Variants in DDHD1 observed in about 807,000 individuals in gnomAD.
DDHD1 encodes the protein phospholipase DDHD1.
In DDHD1, 49 loss-of-function variants were observed where a neutral mutation model predicts 96.4. That is an observed-to-expected ratio of 0.51 (90% CI 0.40 to 0.64). DDHD1 has a LOEUF of 0.64. Ranked by LOEUF, DDHD1 falls within the 30% of genes least tolerant of loss-of-function variation. The probability of loss-of-function intolerance (pLI) is 0.00; values close to 1 mark genes in which losing one functional copy is unlikely to be tolerated. For missense variants in DDHD1, 1,106 were observed against 1,161.2 expected, an observed-to-expected ratio of 0.95 and a Z score of 0.69; for synonymous variants, 442 against 446.5, an observed-to-expected ratio of 0.99 and a Z score of 0.13.
intron 1 of DDHD1, among the ~76,000 whole-genome samples, chr14:53,116,341 T>C (rs1467709002): frequency 1.3e-5 from 2 of 152,068 alleles, no homozygotes; most frequent in African/African-American, 4.8e-5. Flanking sequence ...ACAAGGATAT[T>C]CAGGACTTGA....
chr14:53,052,654 A>G (rs1031027826), intron 11 of DDHD1: 4 of 152,044 alleles, frequency 2.6e-5, no homozygotes, highest in Non-Finnish European at 1.5e-5. Flanking sequence ...TGGGAATAGG[A>G]TTTAAAAGGC....
rs950460996 is a variant in DDHD1, at chr14:53,146,321, C to T, written c.838+5940G>A. Among the ~76,000 whole-genome samples, 13 of 151,432 alleles carry T rather than the reference C, an allele frequency of 8.6e-5. No homozygotes were observed. In the East Asian group the frequency reaches 1.6e-3, roughly 18 times the overall value. On this transcript the variant is annotated intron_variant, in intron 1 of 12. Coordinates refer to ENST00000673822, the MANE Select transcript of DDHD1 (RefSeq NM_001160148.2). Reference sequence around the variant, plus strand: ...GAGTTCAAGATCAGCCTGGCCAAAACGGTGAAACTCCATATCTACTAAGAA... The same window carrying T: ...GAGTTCAAGATCAGCCTGGCCAAAATGGTGAAACTCCATATCTACTAAGAA...
intron 1 of DDHD1, among the ~76,000 whole-genome samples, chr14:53,117,232 C>T (rs1013040176): frequency 6.6e-6 from 1 of 152,182 alleles, no homozygotes; most frequent in African/African-American, 2.4e-5. Flanking sequence ...GAGATCGACA[C>T]AGAAGTGAAT....
At chr14:53,144,966 A>G (rs375557134) in intron 1 of DDHD1, among the ~76,000 whole-genome samples, 1 of 152,184 alleles carries the variant, frequency 6.6e-6, no homozygotes, top group East Asian at 1.9e-4. Context: ...GCTTACCAAC[A>G]TGGTGAAACC....
At chr14:53,128,394 T>G (rs1373981591) in intron 1 of DDHD1, among the ~76,000 whole-genome samples, 1 of 152,190 alleles carries the variant, frequency 6.6e-6, no homozygotes, top group African/African-American at 2.4e-5. Flanking sequence ...ACCAGCAGAT[T>G]TGGTGTCTGG....
intron 1 of DDHD1, among the ~76,000 whole-genome samples, chr14:53,113,497 C>T (rs1888291014): frequency 6.6e-6 from 1 of 151,774 alleles, no homozygotes; most frequent in Non-Finnish European, 1.5e-5. Flanking sequence ...CTGCAGGTCC[C>T]AGTGAGACCA....
chr14:53,073,683 AT>A, intron 5 of DDHD1, 57 bp downstream of exon 5: 1 of 1,450,050 alleles, frequency 6.9e-7, no homozygotes, highest in South Asian at 1.2e-5. Context: ...AACTTTCTGC[AT>A]TTATTTTGGT....
At chr14:53,145,883 G>A in intron 1 of DDHD1, among the ~76,000 whole-genome samples, 1 of 152,166 alleles carries the variant, frequency 6.6e-6, no homozygotes, top group Admixed American at 6.5e-5. Flanking sequence ...ATATTATCTA[G>A]AGATAGCTTA....
chr14:53,084,551 T>A (rs866834202), intron 4 of DDHD1, among the ~76,000 whole-genome samples: 33 of 152,100 alleles, frequency 2.2e-4, no homozygotes, highest in African/African-American at 7.0e-4. Context: ...AGGATCAGAG[T>A]GAAGAGATTT....
At chr14:53,137,500 G>A (rs145987105) in intron 1 of DDHD1, among the ~76,000 whole-genome samples, 218 of 152,242 alleles carry the variant, frequency 1.4e-3, no homozygotes, top group African/African-American at 5.0e-3. Flanking sequence ...GCTGAGGCAG[G>A]AGAATCACTT....
chr14:53,068,243 C>CTTTTTTT (rs55662153), intron 6 of DDHD1, among the ~76,000 whole-genome samples: 2,784 of 104,246 alleles, frequency 0.027, 296 homozygotes, highest in African/African-American at 0.088. Flanking sequence ...CTTTATGATA[C>CTTTTTTT]TTTTTTTTTT....
chr14:53,152,296 A>C lies in DDHD1; in HGVS notation c.803T>G (p.Val268Gly), dbSNP rs781138250. 3 of 1,613,204 alleles carry C rather than the reference A, an allele frequency of 1.9e-6. No individual in the cohort carries two copies. In the East Asian group the frequency reaches 6.7e-5, roughly 36 times the overall value. The change falls in exon 1 of 13, where the codon GTG (valine) becomes GGG (glycine). Residue 268 changes from valine to glycine, a missense_variant. This residue lies in a region of DDHD1 where 456 missense variants were observed against 402.4 expected (regional missense o/e 1.13). Transcript: ENST00000673822. The stretch of plus-strand genomic sequence containing the variant: ...CACCGGGTAGCACTCTCCTTGGGTC[A>C]CATCCACCTCGTAGAGGCCGCCCCG... ...CVRGGLYEVDVTQGECYPVYW... is the reference protein window; with the variant it reads ...CVRGGLYEVDGTQGECYPVYW...
chr14:53,103,011 A>T, intron 2 of DDHD1: 1 of 1,560,390 alleles, frequency 6.4e-7, no homozygotes, highest in Non-Finnish European at 8.7e-7. Context: ...ATTCTAATCT[A>T]CCTGTACAGT....
intron 2 of DDHD1, chr14:53,103,049 T>C: frequency 1.3e-6 from 2 of 1,568,602 alleles, no homozygotes; most frequent in Non-Finnish European, 1.7e-6. Context: ...TTGATCCCAC[T>C]GCCTGCAGTA....
At chr14:53,135,848 C>A (rs1890198764) in intron 1 of DDHD1, among the ~76,000 whole-genome samples, 1 of 152,152 alleles carries the variant, frequency 6.6e-6, no homozygotes, top group Non-Finnish European at 1.5e-5. Flanking sequence ...AGATATTGTA[C>A]AAAAGACAGA....
At position 53,091,871 on chromosome 14, in the gene DDHD1, C is replaced by T; in HGVS notation, c.1203G>A (p.Lys401=). Residue 401 remains lysine (K), a synonymous_variant, in exon 4 of 13, where the codon AAG becomes AAA. Coordinates refer to ENST00000673822, the MANE Select transcript of DDHD1 (RefSeq NM_001160148.2). ...GYVEEATLED[K]PSQTTHIVFV... ...ATACAATATGGGTAGTCTGTGATGG[C>T]TTGTCTTCTAATGTGGCTTCTTCTA... 1 of 1,613,648 alleles carries T rather than the reference C, an allele frequency of 6.2e-7. No homozygotes were observed. Among genetic ancestry groups the T allele is most frequent in the South Asian group, 1.1e-5 (1 of 91,028 alleles).
rs564278482 is a variant in DDHD1, at chr14:53,117,606, A to T, written c.839-13750T>A. ...CTGGTGGGGGAAAGGGGCATCTGCC[A>T]TTGCTGGGGCTTAAGTAGCTCACAG... On this transcript the variant is annotated intron_variant, in intron 1 of 12. Coordinates refer to ENST00000673822, the MANE Select transcript of DDHD1 (RefSeq NM_001160148.2). 6.6e-5 allele frequency among the ~76,000 whole-genome samples: 10 copies of T among 152,176 alleles called. No homozygotes were observed. In the East Asian group the frequency reaches 1.9e-3, roughly 29 times the overall value.
At position 53,081,778 on chromosome 14, in the gene DDHD1, C is replaced by A. The variant is rs192926180; in HGVS notation, c.1290-7931G>T. Among the ~76,000 whole-genome samples the A allele has an allele frequency of 1.6e-3, 245 of 152,148 alleles. 3 individuals are homozygous for A. Among genetic ancestry groups the A allele is most frequent in the African/African-American group, 5.7e-3 (236 of 41,528 alleles). On this transcript the variant is annotated intron_variant, in intron 4 of 12. Transcript: ENST00000673822. ...ATCCTTCACTCCACAGGATCGCTAT[C>A]ATAATTCTCAAATGATTAAAAACTG...
chr14:53,052,650 T>C (rs996432834), intron 11 of DDHD1: 26 of 152,152 alleles, frequency 1.7e-4, no homozygotes, highest in African/African-American at 5.5e-4. Flanking sequence ...ATCTTGGGAA[T>C]AGGATTTAAA....
Sources: allele counts gnomAD v4.1 joint callset (sites outside exome capture counted in the v4.1 genomes callset), GRCh38; gene constraint gnomAD v4.1.1; regional missense constraint gnomAD v4.1.1; transcripts MANE v1.5; gene names NCBI Gene and HGNC (gene_info 2026-07-23, HGNC 2026-07-21).